DHX15: variants seen among roughly 807,000 people sequenced by gnomAD.
DHX15 encodes the protein ATP-dependent RNA helicase DHX15.
A neutral mutation model predicts 94.4 loss-of-function variants in DHX15; 11 were observed. That is an observed-to-expected ratio of 0.12 (90% CI 0.07 to 0.19). The LOEUF is 0.19. DHX15 is among the 10% of genes least tolerant of loss of function. The pLI is 1.00. For synonymous variants in DHX15, 338 were observed against 329.9 expected (o/e 1.02, Z -0.27); for missense variants, 304 against 988.5 (o/e 0.31, Z 9.29).
chr4:24,534,298 C>G (rs1721149115), intron 11 of DHX15: 1 of 152,102 alleles, frequency 6.6e-6, no homozygotes, highest in Middle Eastern at 3.2e-3. Context: ...AATGCCCAAG[C>G]TGGACAATAA....
chr4:24,577,870 G>A lies in DHX15; in HGVS notation c.72-1192C>T, dbSNP rs75897433. Among the ~76,000 whole-genome samples, 3 of 152,130 alleles carry A rather than the reference G, an allele frequency of 2.0e-5. No homozygotes were observed. In the South Asian group the frequency reaches 6.2e-4, roughly 31 times the overall value. On this transcript the variant is annotated intron_variant, in intron 1 of 13. Transcript: ENST00000336812. ...CCATCAGCAGAGAAATTTGCCTCAA[G>A]ATCTTTAAACCCAGACTTGAAATAA...
At chr4:24,528,432 A>C (rs1721005460) in intron 13 of DHX15, among the ~76,000 whole-genome samples, 1 of 152,182 alleles carries the variant, frequency 6.6e-6, no homozygotes, top group African/African-American at 2.4e-5. Flanking sequence ...GGATCTTTTC[A>C]TTTTCAATGT....
intron 6 of DHX15, among the ~76,000 whole-genome samples, chr4:24,545,524 G>A (rs1450243194): frequency 2.0e-5 from 3 of 152,098 alleles, no homozygotes; most frequent in Non-Finnish European, 4.4e-5. Context: ...CCAGCCAAAA[G>A]TCAAACCCTA....
chr4:24,528,035 C>T lies in DHX15; in HGVS notation c.2277G>A (p.Val759=), dbSNP rs774056540. The change falls in exon 14 of 14, where the codon GTG becomes GTA. Residue 759 remains valine (V), a synonymous_variant. Coordinates refer to ENST00000336812, the MANE Select transcript of DHX15 (RefSeq NM_001358.3). ...TGTCATAATATTGAGGGGCAATTTT[C>T]ACCAACCTGTTTAGAAGTGGGCAGA... The part of the protein sequence containing the change: ...TCTDIKPEWL[V]KIAPQYYDMS... 1.6e-5 allele frequency: 25 copies of T among 1,612,868 alleles called. No individual in the cohort carries two copies. The highest frequency in any genetic ancestry group is 3.3e-4 in the Middle Eastern group (2 of 6,058).
rs552368737 is a variant in DHX15, at chr4:24,556,501, T to C, written c.702-91A>G. 19 of 1,082,884 alleles carry C rather than the reference T, an allele frequency of 1.8e-5. No individual in the cohort carries two copies. The African/African-American group carries it at 3.0e-4, about 17-fold the overall frequency. 67.1% of individuals were successfully genotyped at this position (1,082,884 alleles called of 1,614,324 possible). On this transcript the variant is annotated intron_variant, in intron 3 of 13. Transcript: ENST00000336812. ...AAAAATGAAATGCAAAGACATAAGG[T>C]AAATTAAAAATAAACTTCTGCCCCA... is the stretch of plus-strand genomic sequence containing the variant.
In DHX15 at chr4:24,532,988, T is replaced by C. The variant is rs891066016; in HGVS notation, c.1976A>G (p.Asn659Ser). The C allele has an allele frequency of 8.1e-6, 13 of 1,613,992 alleles. No homozygotes were observed. The highest frequency in any genetic ancestry group is 1.1e-5 in the South Asian group (1 of 91,084). Residue 659 changes from asparagine to serine, a missense_variant, in exon 12 of 14, where the codon AAT (asparagine) becomes AGT (serine). By Grantham distance (46) the Asn-to-Ser change is conservative. Transcript: ENST00000336812. Reference protein sequence around the residue: ...INYRSLMSADNVRQQLSRIMD... With the variant: ...INYRSLMSADSVRQQLSRIMD... ...AATTCGAGATAGCTGCTGGCGTACA[T>C]TGTCTGCGGACATCAGGGACCTGTA...
chr4:24,532,221 ATACT>A (rs1417821820), intron 12 of DHX15, among the ~76,000 whole-genome samples: 1 of 152,242 alleles, frequency 6.6e-6, no homozygotes, highest in African/African-American at 2.4e-5. Flanking sequence ...TTAACACAGC[ATACT>A]TAAACTAAAT....
chr4:24,562,822 G>C (rs1472585462), intron 3 of DHX15, among the ~76,000 whole-genome samples: 1 of 152,162 alleles, frequency 6.6e-6, no homozygotes, highest in Non-Finnish European at 1.5e-5. Context: ...AGAACAAGAT[G>C]AATCTTTCAC....
At chr4:24,583,460 GAAAA>G (rs1722514640) in intron 1 of DHX15, among the ~76,000 whole-genome samples, 1 of 144,748 alleles carries the variant, frequency 6.9e-6, no homozygotes, top group Non-Finnish European at 1.5e-5. Flanking sequence ...GACATGCATA[GAAAA>G]TAAATGATGA....
Position 24,537,145 on chromosome 4 carries a change from C to T in DHX15, c.1815G>A (p.Glu605=). The change falls in exon 11 of 14, where the codon GAG becomes GAA. Residue 605 remains glutamate (E), a synonymous_variant. Coordinates refer to ENST00000336812, the MANE Select transcript of DHX15 (RefSeq NM_001358.3). This position sits in a 1 kb window ranked among gnomAD's most constrained non-coding sequence, Gnocchi z 4.7. ...SVPQCFVRPT[E]AKKAADEAKM... ...TGGCCTCATCTGCGGCTTTCTTGGC[C>T]TCCGTGGGGCGAACAAAACACTGTG... 6.2e-7 allele frequency: 1 copy of T among 1,613,824 alleles called. No homozygotes were observed. Among genetic ancestry groups the T allele is most frequent in the Non-Finnish European group, 8.5e-7 (1 of 1,179,852 alleles).
chr4:24,532,258 A>G (rs1721100735), intron 12 of DHX15, among the ~76,000 whole-genome samples: 1 of 152,254 alleles, frequency 6.6e-6, no homozygotes, highest in African/African-American at 2.4e-5. Context: ...ATTATGTTTC[A>G]TCTTTATTGC....
In DHX15 at chr4:24,537,728, G is replaced by A. The variant is rs2109394336; in HGVS notation, c.1787-555C>T. The A allele has an allele frequency of 6.6e-6, 1 of 152,256 alleles. No individual in the cohort carries two copies. The highest frequency in any genetic ancestry group is 1.9e-4 in the East Asian group (1 of 5,170). 9.4% of individuals were successfully genotyped at this position (152,256 alleles called of 1,614,324 possible). On this transcript the variant is annotated intron_variant, in intron 10 of 13. Transcript: ENST00000336812. This position sits in a 1 kb window ranked among gnomAD's most constrained non-coding sequence, Gnocchi z 4.7. ...TCACTATTAGCACCGGTGAGCAGAA[G>A]CATATGTAAACATAAAAATATCAAG...
At chr4:24,530,283 C>T (rs1340645919) in intron 12 of DHX15, 2 of 159,900 alleles carry the variant, frequency 1.3e-5, no homozygotes, top group East Asian at 1.9e-4. Context: ...ATTACCAGAA[C>T]ATTCATGTCT....
intron 3 of DHX15, among the ~76,000 whole-genome samples, chr4:24,569,230 T>C (rs1014061796): frequency 8.5e-5 from 13 of 152,270 alleles, no homozygotes; most frequent in African/African-American, 2.9e-4. Flanking sequence ...TAAATTAAGA[T>C]TGGATATGAA....
intron 5 of DHX15, among the ~76,000 whole-genome samples, chr4:24,551,244 T>C (rs558351938): frequency 6.6e-6 from 1 of 152,320 alleles, no homozygotes; most frequent in Non-Finnish European, 1.5e-5. Flanking sequence ...AAAACGCTTA[T>C]TATACACTAG....
At chr4:24,546,980 G>C (rs985346158) in intron 6 of DHX15, among the ~76,000 whole-genome samples, 3 of 152,148 alleles carry the variant, frequency 2.0e-5, no homozygotes, top group African/African-American at 4.8e-5. Flanking sequence ...AGTAAAACTT[G>C]TATAGATCCC....
At chr4:24,579,763 T>C (rs765808802) in intron 1 of DHX15, among the ~76,000 whole-genome samples, 1 of 152,168 alleles carries the variant, frequency 6.6e-6, no homozygotes, top group Non-Finnish European at 1.5e-5. Flanking sequence ...TCGGTTGTTG[T>C]TGTTATTATT....
intron 1 of DHX15, among the ~76,000 whole-genome samples, chr4:24,582,212 T>C (rs987386287): frequency 2.6e-5 from 4 of 152,142 alleles, no homozygotes; most frequent in African/African-American, 4.8e-5. Context: ...TCAAATGACA[T>C]AGAAATGAGT....
chr4:24,540,062 A>C (rs748150312), intron 10 of DHX15, 46 bp downstream of exon 10: 7 of 1,398,564 alleles, frequency 5.0e-6, no homozygotes, highest in Middle Eastern at 3.9e-4. Context: ...AAGTCCACCC[A>C]AACTTTGAAG....
Sources: allele counts gnomAD v4.1 joint callset (sites outside exome capture counted in the v4.1 genomes callset), GRCh38; gene constraint gnomAD v4.1.1; non-coding constraint Gnocchi (gnomAD v3.1); transcripts MANE v1.5; gene names NCBI Gene and HGNC (gene_info 2026-07-23, HGNC 2026-07-21).